The following GRIN2A variants were observed in gnomAD, a reference collection of about 807,000 sequenced individuals.
GRIN2A encodes glutamate receptor ionotropic, NMDA 2A.
A neutral mutation model predicts 113.4 loss-of-function variants in GRIN2A; 22 were observed. That is an observed-to-expected ratio of 0.19 (90% CI 0.14 to 0.28). The LOEUF is 0.28. Ranked by LOEUF, GRIN2A falls within the 10% of genes least tolerant of loss-of-function variation. The probability of loss-of-function intolerance (pLI) is 1.00; values close to 1 mark genes in which losing one functional copy is unlikely to be tolerated. For missense variants in GRIN2A, 1,502 were observed against 1,887.0 expected (o/e 0.80, Z 3.78); for synonymous variants, 827 against 738.4 (o/e 1.12, Z -1.94).
intron 10 of GRIN2A, among the ~76,000 whole-genome samples, chr16:9,806,646 A>T (rs1031559480): frequency 2.0e-5 from 3 of 152,106 alleles, no homozygotes; most frequent in African/African-American, 7.2e-5. Context: ...AGACAGAAAG[A>T]GAGAAAAACG....
chr16:9,958,862 A>G (rs74906135), intron 2 of GRIN2A, among the ~76,000 whole-genome samples: 1 of 152,178 alleles, frequency 6.6e-6, no homozygotes, highest in Non-Finnish European at 1.5e-5. Context: ...GGGCTTGTTC[A>G]CTGATACATC....
At chr16:9,883,319 G>A (rs555329860) in intron 4 of GRIN2A, among the ~76,000 whole-genome samples, 1 of 152,292 alleles carries the variant, frequency 6.6e-6, no homozygotes, top group East Asian at 1.9e-4. Flanking sequence ...AACCCTTGTG[G>A]TGAAGCTGAA....
chr16:9,882,207 A>C (rs1430837981), intron 4 of GRIN2A, among the ~76,000 whole-genome samples: 2 of 152,122 alleles, frequency 1.3e-5, no homozygotes, highest in African/African-American at 4.8e-5. Flanking sequence ...AAAATACAAT[A>C]ATTTAGATAG....
intron 2 of GRIN2A, among the ~76,000 whole-genome samples, chr16:10,093,507 C>G (rs796660026): frequency 2.6e-5 from 4 of 152,248 alleles, no homozygotes; most frequent in African/African-American, 9.6e-5. Flanking sequence ...GCATTGGCAC[C>G]TTCACTCAAG....
intron 2 of GRIN2A, among the ~76,000 whole-genome samples, chr16:10,073,930 A>AC (rs1412582573): frequency 6.6e-6 from 1 of 151,878 alleles, no homozygotes; most frequent in Non-Finnish European, 1.5e-5. Context: ...CAAAAAAAAA[A>AC]AAAACGAAGT....
chr16:10,047,806 T>G (rs916239970), intron 2 of GRIN2A, among the ~76,000 whole-genome samples: 2 of 152,194 alleles, frequency 1.3e-5, no homozygotes, highest in Non-Finnish European at 2.9e-5. Context: ...ATACCTCAGC[T>G]CCTCCACTCC....
At chr16:10,017,657 G>A (rs2046635862) in intron 2 of GRIN2A, among the ~76,000 whole-genome samples, 1 of 152,138 alleles carries the variant, frequency 6.6e-6, no homozygotes, top group Admixed American at 6.5e-5. Context: ...GAGACACTGT[G>A]AGTACTCAGT....
intron 3 of GRIN2A, among the ~76,000 whole-genome samples, chr16:9,915,613 C>T (rs547859659): frequency 3.3e-5 from 5 of 152,252 alleles, no homozygotes; most frequent in African/African-American, 1.2e-4. Flanking sequence ...CTCACAGTTG[C>T]TCTGTCCAAT....
At chr16:9,915,966 T>C (rs2044241413) in intron 3 of GRIN2A, among the ~76,000 whole-genome samples, 1 of 152,240 alleles carries the variant, frequency 6.6e-6, no homozygotes, top group Non-Finnish European at 1.5e-5. Context: ...TGTTGTTAAT[T>C]AATCAACATC....
At chr16:9,957,978 G>C (rs2045344845) in intron 2 of GRIN2A, among the ~76,000 whole-genome samples, 1 of 152,172 alleles carries the variant, frequency 6.6e-6, no homozygotes, top group Non-Finnish European at 1.5e-5. Context: ...GATTGTGCAT[G>C]CTTCTCTAGT....
intron 4 of GRIN2A, among the ~76,000 whole-genome samples, chr16:9,857,042 A>G (rs1318997984): frequency 6.6e-6 from 1 of 152,230 alleles, no homozygotes; most frequent in Non-Finnish European, 1.5e-5. Context: ...GTGTCGTCTT[A>G]TAACCTCGGT....
chr16:10,108,962 G>T (rs1045701604), intron 2 of GRIN2A, among the ~76,000 whole-genome samples: 5 of 144,264 alleles, frequency 3.5e-5, no homozygotes, highest in Admixed American at 2.8e-4. Flanking sequence ...AGGCTGAGAA[G>T]CTAATTAAGA....
At chr16:9,905,442 G>A (rs1473987040) in intron 3 of GRIN2A, among the ~76,000 whole-genome samples, 4 of 152,166 alleles carry the variant, frequency 2.6e-5, no homozygotes, top group Admixed American at 6.5e-5. Context: ...AACGAGCCAG[G>A]TGCAAGATGA....
intron 4 of GRIN2A, among the ~76,000 whole-genome samples, chr16:9,870,259 A>T (rs960211256): frequency 6.6e-6 from 1 of 152,252 alleles, no homozygotes; most frequent in African/African-American, 2.4e-5. Context: ...CATTAATTTC[A>T]TAACTATAAA....
At position 9,764,492 on chromosome 16, in the gene GRIN2A, C is replaced by G; in HGVS notation, c.3052G>C (p.Val1018Leu). 6.2e-7 allele frequency: 1 copy of G among 1,614,134 alleles called. No homozygotes were observed. The highest frequency in any genetic ancestry group is 8.5e-7 in the Non-Finnish European group (1 of 1,180,008). ...SRPRQLWKKSVDSIRQDSLSQ... is the reference protein window; with the variant it reads ...SRPRQLWKKSLDSIRQDSLSQ... Reference sequence around the variant, plus strand: ...AGTGAATCCTGGCGTATGGAATCCACGGATTTCTTCCACAGCTGCCGGGGT... The same window carrying G: ...AGTGAATCCTGGCGTATGGAATCCAGGGATTTCTTCCACAGCTGCCGGGGT... The change falls in exon 13 of 13, where the codon GTG (valine) becomes CTG (leucine). Residue 1018 changes from valine to leucine, a missense_variant. Physicochemically the swap from Val to Leu is conservative, Grantham distance 32. Around this residue, in one of 7 missense-constraint regions of GRIN2A, gnomAD observed 832 missense variants for 789.7 expected, o/e 1.05. Transcript: ENST00000330684.
At chr16:9,957,282 G>A (rs917431191) in intron 2 of GRIN2A, among the ~76,000 whole-genome samples, 3 of 152,102 alleles carry the variant, frequency 2.0e-5, no homozygotes, top group African/African-American at 7.2e-5. Flanking sequence ...TTATTTAAGG[G>A]AGCTGCCCAT....
At chr16:9,790,968 G>A (rs1352662410) in intron 11 of GRIN2A, among the ~76,000 whole-genome samples, 3 of 152,146 alleles carry the variant, frequency 2.0e-5, no homozygotes, top group Non-Finnish European at 4.4e-5. Flanking sequence ...ACATGGAGAG[G>A]CCAACAATGG....
rs79990970 is a variant in GRIN2A at position 9,998,283 on chromosome 16, C to T, written c.415-59732G>A. On this transcript the variant is annotated intron_variant, in intron 2 of 12. Transcript: ENST00000330684. ...TGAACCTCGAAAACGTCATGATAAA[C>T]GACAGGAGCCAGGCATAACACTGTA... is the stretch of plus-strand genomic sequence containing the variant. Among the ~76,000 whole-genome samples, 274 of 152,156 alleles carry T rather than the reference C, an allele frequency of 1.8e-3. 1 individual carries two copies. Among genetic ancestry groups the T allele is most frequent in the African/African-American group, 6.1e-3 (254 of 41,484 alleles).
At chr16:9,877,756 CCT>C (rs1162320551) in intron 4 of GRIN2A, among the ~76,000 whole-genome samples, 1 of 139,642 alleles carries the variant, frequency 7.2e-6, no homozygotes, top group African/African-American at 2.7e-5. Flanking sequence ...CTCTCTTCTC[CCT>C]CTCTCCTCTT....
Sources: gnomAD v4.1 joint callset for allele counts (sites outside exome capture counted in the v4.1 genomes callset) on GRCh38, gnomAD v4.1.1 for gene constraint, gnomAD v4.1.1 regional missense constraint, MANE v1.5 for transcripts, NCBI Gene and HGNC (gene_info 2026-07-23, HGNC 2026-07-21) for gene names.